The following IMPG1 variants were observed in gnomAD, a reference collection of about 807,000 sequenced individuals.
The protein encoded by IMPG1 is interphotoreceptor matrix proteoglycan of 150 kDa.
IMPG1 carries 85 observed loss-of-function variants against 92.0 expected under a neutral mutation model. The ratio of observed to expected loss-of-function variants is 0.92; its 90% CI spans 0.78 to 1.11. IMPG1 has a LOEUF of 1.11. Among genes scored for constraint, IMPG1 ranks in the 50% least tolerant of loss-of-function variants. The probability of loss-of-function intolerance (pLI) is 0.00; values close to 1 mark genes in which losing one functional copy is unlikely to be tolerated. For synonymous variants in IMPG1, 367 were observed against 334.1 expected, an observed-to-expected ratio of 1.10 and a Z score of -1.08; for missense variants, 1,022 against 956.0, an observed-to-expected ratio of 1.07 and a Z score of -0.91.
At position 76,007,420 on chromosome 6, in the gene IMPG1, GTA is replaced by G. The variant is rs1377834915; in HGVS notation, c.887+58_887+59del. The G allele has an allele frequency of 1.1e-5, 14 of 1,232,514 alleles. No individual in the cohort carries two copies. The East Asian group carries it at 3.3e-4, about 29-fold the overall frequency. The allele number at this position is 1,232,514 out of a possible 1,614,324, so 76.3% of individuals were successfully genotyped here. The stretch of plus-strand genomic sequence containing the variant: ...TGTAAAAATTATTTGTGCAAAATCA[GTA>G]TATAAATTTGGGGGAGACGGGAATG... On this transcript the variant is annotated intron_variant, in intron 9 of 16. Transcript: ENST00000369950.
At chr6:76,016,399 C>T (rs1783287961) in intron 7 of IMPG1, among the ~76,000 whole-genome samples, 1 of 152,114 alleles carries the variant, frequency 6.6e-6, no homozygotes, top group Non-Finnish European at 1.5e-5. Context: ...AAGGAATTGC[C>T]AAAAAGAATG....
intron 1 of IMPG1, among the ~76,000 whole-genome samples, chr6:76,050,050 A>C (rs966512982): frequency 5.3e-5 from 8 of 152,214 alleles, no homozygotes; most frequent in African/African-American, 1.9e-4. Context: ...AAACACTTTC[A>C]AACATTACTT....
chr6:76,006,907 A>G lies in IMPG1; in HGVS notation c.887+573T>C, dbSNP rs140883349. Among the ~76,000 whole-genome samples, 952 of 152,150 alleles carry G rather than the reference A, an allele frequency of 6.3e-3. 8 individuals are homozygous for G. Among genetic ancestry groups the G allele is most frequent in the African/African-American group, 0.022 (896 of 41,514 alleles). On this transcript the variant is annotated intron_variant, in intron 9 of 16. Transcript: ENST00000369950. ...GTGATGTAGAAGTGTTTTAAAGGCC[A>G]CAGAAACTGATCACGTGTATTCTTG...
At chr6:76,027,675 AGGTATTATAT>A (rs2149485700) in intron 4 of IMPG1, among the ~76,000 whole-genome samples, 1 of 152,342 alleles carries the variant, frequency 6.6e-6, no homozygotes, top group South Asian at 2.1e-4. Flanking sequence ...ATTCAAAAAA[AGGTATTATAT>A]GGTTTTTTCC....
chr6:75,934,251 G>T (rs1781704312), intron 14 of IMPG1, among the ~76,000 whole-genome samples: 1 of 152,214 alleles, frequency 6.6e-6, no homozygotes, highest in Non-Finnish European at 1.5e-5. Context: ...AGAAAGTACA[G>T]TCTGACACTA....
chr6:75,948,491 C>T (rs981031104), intron 13 of IMPG1, among the ~76,000 whole-genome samples: 64 of 152,264 alleles, frequency 4.2e-4, no homozygotes, highest in African/African-American at 1.5e-3. Flanking sequence ...ACAATTTTGA[C>T]TCTGACCCAG....
intron 12 of IMPG1, among the ~76,000 whole-genome samples, chr6:75,975,285 G>C (rs1290690015): frequency 6.6e-6 from 1 of 152,194 alleles, no homozygotes; most frequent in Non-Finnish European, 1.5e-5. Context: ...GCAGATATGG[G>C]GTCCGGTCAT....
intron 12 of IMPG1, among the ~76,000 whole-genome samples, chr6:75,988,345 C>T (rs6901157): frequency 0.49 from 75,180 of 152,016 alleles, 19,609 homozygotes; most frequent in East Asian, 0.67. Flanking sequence ...CTCATTGTTG[C>T]TTTGATTTGC....
chr6:76,016,255 C>T (rs763546301), intron 7 of IMPG1, among the ~76,000 whole-genome samples: 41 of 152,162 alleles, frequency 2.7e-4, no homozygotes, highest in Non-Finnish European at 5.7e-4. Context: ...AGGACTAGAA[C>T]TCTGATTTTT....
chr6:76,040,772 G>A lies in IMPG1; in HGVS notation c.301+1121C>T, dbSNP rs561693776. 6.6e-5 allele frequency among the ~76,000 whole-genome samples: 10 copies of A among 152,288 alleles called. No homozygotes were observed. In the South Asian group the frequency reaches 2.1e-3, roughly 32 times the overall value. Reference sequence around the variant, plus strand: ...AGACTTGATATTTTTGAAACTGTTAGTTAATTATGCTTCCAAAACCCAATA... The same window carrying A: ...AGACTTGATATTTTTGAAACTGTTAATTAATTATGCTTCCAAAACCCAATA... On this transcript the variant is annotated intron_variant, in intron 2 of 16. Transcript: ENST00000369950.
chr6:75,948,210 G>C (rs893951949), intron 13 of IMPG1, among the ~76,000 whole-genome samples: 5 of 152,188 alleles, frequency 3.3e-5, no homozygotes, highest in Admixed American at 6.5e-5. Flanking sequence ...GGCTCCCAGC[G>C]AGCCGTTTCC....
rs1220793824 is a variant in IMPG1, at chr6:75,922,399, A to C, written c.2317-233T>G. Reference sequence around the variant, plus strand: ...CTCAGGCTGACCCATCTCATAGAGCAGGAGTGGCAGATAGTCTGTGAATGA... The same window carrying C: ...CTCAGGCTGACCCATCTCATAGAGCCGGAGTGGCAGATAGTCTGTGAATGA... On this transcript the variant is annotated intron_variant, in intron 16 of 16. Transcript: ENST00000369950. 2.0e-5 allele frequency among the ~76,000 whole-genome samples: 3 copies of C among 152,204 alleles called. No individual in the cohort carries two copies. In the East Asian group the frequency reaches 5.8e-4, roughly 29 times the overall value.
chr6:75,994,655 T>C (rs186962980), intron 12 of IMPG1, among the ~76,000 whole-genome samples: 54 of 152,278 alleles, frequency 3.5e-4, no homozygotes, highest in African/African-American at 1.2e-3. Context: ...TTGTGAGATT[T>C]ATTCACTATC....
chr6:75,926,514 C>T (rs1032733406), intron 15 of IMPG1, among the ~76,000 whole-genome samples: 2 of 152,220 alleles, frequency 1.3e-5, no homozygotes, highest in Admixed American at 1.3e-4. Context: ...TCACTGTGTA[C>T]CATCATTTAC....
intron 12 of IMPG1, among the ~76,000 whole-genome samples, chr6:75,958,500 G>A (rs768381449): frequency 6.6e-6 from 1 of 151,876 alleles, no homozygotes; most frequent in Non-Finnish European, 1.5e-5. Context: ...GGTTCCATTC[G>A]CCCCCTGCAT....
At chr6:75,983,564 C>G (rs1782664488) in intron 12 of IMPG1, among the ~76,000 whole-genome samples, 1 of 152,220 alleles carries the variant, frequency 6.6e-6, no homozygotes, top group Non-Finnish European at 1.5e-5. Flanking sequence ...ACACCATATA[C>G]AAAAATCAAC....
chr6:75,968,581 C>CTT (rs147668672), intron 12 of IMPG1, among the ~76,000 whole-genome samples: 38 of 147,950 alleles, frequency 2.6e-4, no homozygotes, highest in South Asian at 4.3e-4. Context: ...AAATTTTAGC[C>CTT]TTTTTTTTTT....
At chr6:75,941,307 G>T (rs1343015397) in intron 14 of IMPG1, among the ~76,000 whole-genome samples, 3 of 152,112 alleles carry the variant, frequency 2.0e-5, no homozygotes, top group Non-Finnish European at 4.4e-5. Flanking sequence ...AGTAATTGTT[G>T]ATGGTTTAAG....
intron 11 of IMPG1, 116 bp from the exon 12 acceptor site, chr6:76,003,112 T>C: frequency 2.8e-6 from 2 of 721,492 alleles, no homozygotes; most frequent in Non-Finnish European, 5.0e-6. Flanking sequence ...ATTTTGTTGT[T>C]GACTTGAATC....
Sources: allele counts gnomAD v4.1 joint callset (sites outside exome capture counted in the v4.1 genomes callset), GRCh38; gene constraint gnomAD v4.1.1; transcripts MANE v1.5; gene names NCBI Gene and HGNC (gene_info 2026-07-23, HGNC 2026-07-21).